Variants in ATP10A observed in about 807,000 individuals in gnomAD.
The protein encoded by ATP10A is ATPase phospholipid transporting 10A (putative).
In ATP10A, 111 loss-of-function variants were observed where a neutral mutation model predicts 147.8. That is an observed-to-expected ratio of 0.75 (90% confidence interval 0.64 to 0.88). ATP10A has a LOEUF of 0.88. Among genes scored for constraint, ATP10A ranks in the 40% least tolerant of loss-of-function variants. The pLI is 0.00. For missense variants in ATP10A, 1,927 were observed against 1,959.0 expected (o/e 0.98, Z 0.31); for synonymous variants, 875 against 841.6 (o/e 1.04, Z -0.69).
At chr15:25,789,909 C>T (rs879828568) in intron 1 of ATP10A, among the ~76,000 whole-genome samples, 10 of 152,196 alleles carry the variant, frequency 6.6e-5, no homozygotes, top group Non-Finnish European at 1.2e-4. Flanking sequence ...TGTCAAATGC[C>T]TCCTGGGGGT....
At chr15:25,706,899 T>C (rs1373597006) in intron 12 of ATP10A, among the ~76,000 whole-genome samples, 1 of 152,172 alleles carries the variant, frequency 6.6e-6, no homozygotes, top group Non-Finnish European at 1.5e-5. Flanking sequence ...TGCACAATAC[T>C]GTCTTCCGGG....
chr15:25,713,953 G>A lies in ATP10A; in HGVS notation c.2065C>T (p.Arg689Cys), dbSNP rs745644823. 5 of 1,610,424 alleles carry A rather than the reference G, an allele frequency of 3.1e-6. No homozygotes were observed. The highest frequency in any genetic ancestry group is 2.2e-5 in the East Asian group (1 of 44,888). ...SELAQEQESE[R>C]ELRYEAESPD... The stretch of plus-strand genomic sequence containing the variant: ...CTCTCCGCCTCGTACCGCAGCTCGC[G>A]CTCTGACTCCTGCTCCTGAGCAAGC... The change falls in exon 10 of 21, where the codon CGC (arginine) becomes TGC (cysteine). Residue 689 changes from arginine (R) to cysteine (C), a missense_variant. Transcript: ENST00000555815.
At chr15:25,705,128 G>A (rs557977222) in intron 12 of ATP10A, among the ~76,000 whole-genome samples, 38 of 152,274 alleles carry the variant, frequency 2.5e-4, no homozygotes, top group African/African-American at 7.2e-4. Flanking sequence ...GTTATGTATG[G>A]TTCTCTGATG....
Position 25,824,825 on chromosome 15 carries a change from T to C in ATP10A, c.449+37823A>G, listed in dbSNP as rs572194485. Among the ~76,000 whole-genome samples, 67 of 152,284 alleles carry C rather than the reference T, an allele frequency of 4.4e-4. 1 individual carries two copies. The highest frequency in any genetic ancestry group is 8.2e-4 in the Non-Finnish European group (56 of 68,028). On this transcript the variant is annotated intron_variant, in intron 1 of 20. Transcript: ENST00000555815. The stretch of plus-strand genomic sequence containing the variant: ...AGCTTTGTAGCGTTTTACGTTTCCG[T>C]ATTTCCTACTCTCCTCACTGCAGCT...
chr15:25,766,283 A>G lies in ATP10A; in HGVS notation c.654+14736T>C, dbSNP rs556815611. 2.6e-5 allele frequency among the ~76,000 whole-genome samples: 4 copies of G among 152,272 alleles called. No homozygotes were observed. The South Asian group carries it at 8.3e-4, about 32-fold the overall frequency. ...AATTCAAGTTGAGATTTGGGTGGGG[A>G]CAAACCATATCAGCAGATACTGAAA... On this transcript the variant is annotated intron_variant, in intron 2 of 20. Transcript: ENST00000555815.
In ATP10A at chr15:25,833,879, G is replaced by A. The variant is rs148415041; in HGVS notation, c.449+28769C>T. On this transcript the variant is annotated intron_variant, in intron 1 of 20. Transcript: ENST00000555815. Reference sequence around the variant, plus strand: ...CCCAGCTACTTGGGAGGCTGAGGCAGGAGAAAGGAGTGAACCCGGGAGGCG... The same window carrying A: ...CCCAGCTACTTGGGAGGCTGAGGCAAGAGAAAGGAGTGAACCCGGGAGGCG... Among the ~76,000 whole-genome samples, 25 of 152,272 alleles carry A rather than the reference G, an allele frequency of 1.6e-4. No homozygotes were observed. In the East Asian group the frequency reaches 4.5e-3, roughly 27 times the overall value.
chr15:25,805,336 C>T (rs1316184885), intron 1 of ATP10A, among the ~76,000 whole-genome samples: 2 of 152,196 alleles, frequency 1.3e-5, no homozygotes, highest in East Asian at 3.8e-4. Flanking sequence ...CTACGGGTCT[C>T]GATCCAGGAA....
At chr15:25,825,084 C>T (rs1892061039) in intron 1 of ATP10A, among the ~76,000 whole-genome samples, 1 of 152,204 alleles carries the variant, frequency 6.6e-6, no homozygotes, top group African/African-American at 2.4e-5. Flanking sequence ...GTTGGAGCTC[C>T]TTCAAAGCCC....
At chr15:25,688,471 T>C (rs1360568931) in intron 15 of ATP10A, among the ~76,000 whole-genome samples, 10 of 152,186 alleles carry the variant, frequency 6.6e-5, no homozygotes, top group African/African-American at 2.2e-4. Flanking sequence ...TTCCCCTGCA[T>C]ATCATCAAGC....
chr15:25,754,751 C>A (rs747338121), intron 2 of ATP10A, among the ~76,000 whole-genome samples: 2 of 152,078 alleles, frequency 1.3e-5, no homozygotes, highest in Non-Finnish European at 2.9e-5. Flanking sequence ...CTGTAACCTG[C>A]AAATATTTAC....
chr15:25,728,165 C>T (rs1902703502), intron 3 of ATP10A, among the ~76,000 whole-genome samples: 1 of 152,230 alleles, frequency 6.6e-6, no homozygotes, highest in African/African-American at 2.4e-5. Flanking sequence ...CCACATGCTT[C>T]CTGTATGGCT....
intron 3 of ATP10A, among the ~76,000 whole-genome samples, chr15:25,735,153 G>A (rs1053860300): frequency 2.6e-5 from 4 of 152,154 alleles, no homozygotes; most frequent in Admixed American, 2.6e-4. Context: ...CGAGAGGGCT[G>A]AGCCCACGGG....
rs778882624 is a variant in ATP10A at position 25,716,970 on chromosome 15, C to G, written c.1582-46G>C. 2.5e-5 allele frequency: 36 copies of G among 1,455,086 alleles called. No homozygotes were observed. In the East Asian group the frequency reaches 8.7e-4, roughly 35 times the overall value. 90.1% of individuals were successfully genotyped at this position (1,455,086 alleles called of 1,614,324 possible). On this transcript the variant is annotated intron_variant, in intron 8 of 20. Transcript: ENST00000555815. The stretch of plus-strand genomic sequence containing the variant: ...CAGTGAGTCCCACCCAGTAGCCTGC[C>G]GAGGATCTTGGGGCGTGACTATTTA...
At position 25,790,063 on chromosome 15, in the gene ATP10A, C is replaced by T. The variant is rs547861581; in HGVS notation, c.450-8840G>A. On this transcript the variant is annotated intron_variant, in intron 1 of 20. Coordinates refer to ENST00000555815, the MANE Select transcript of ATP10A (RefSeq NM_024490.4). ...GAACTCAGCACTGAAACAGCAATGG[C>T]AAAATCCGCAGTGGGAACGTGAGCC... is the stretch of plus-strand genomic sequence containing the variant. 1.6e-3 allele frequency among the ~76,000 whole-genome samples: 246 copies of T among 152,284 alleles called. 1 individual carries two copies. The highest frequency in any genetic ancestry group is 2.9e-3 in the Non-Finnish European group (199 of 68,018).
In ATP10A at chr15:25,828,999, A is replaced by G. The variant is rs1174683336; in HGVS notation, c.449+33649T>C. On this transcript the variant is annotated intron_variant, in intron 1 of 20. Coordinates refer to ENST00000555815, the MANE Select transcript of ATP10A (RefSeq NM_024490.4). ...AATAAAGCTTTGCTCCACATCATGCATAACGCTGGAACATGTGCGAGAAAG... is the reference window on the plus strand; with the variant it reads ...AATAAAGCTTTGCTCCACATCATGCGTAACGCTGGAACATGTGCGAGAAAG... 2.0e-5 allele frequency among the ~76,000 whole-genome samples: 3 copies of G among 152,318 alleles called. No homozygotes were observed. In the East Asian group the frequency reaches 5.8e-4, roughly 29 times the overall value.
intron 2 of ATP10A, among the ~76,000 whole-genome samples, chr15:25,756,893 T>A (rs1178837670): frequency 6.6e-6 from 1 of 152,210 alleles, no homozygotes; most frequent in Non-Finnish European, 1.5e-5. Flanking sequence ...GTAAAAATGG[T>A]TCACAGGGAA....
intron 2 of ATP10A, 42 bp downstream of exon 2, chr15:25,780,977 G>A: frequency 1.9e-6 from 3 of 1,594,742 alleles, no homozygotes; most frequent in East Asian, 2.2e-5. Flanking sequence ...GACACTGTGT[G>A]GCTGTAATGC....
At chr15:25,796,268 G>A (rs960952864) in intron 1 of ATP10A, among the ~76,000 whole-genome samples, 6 of 152,116 alleles carry the variant, frequency 3.9e-5, no homozygotes, top group Non-Finnish European at 7.4e-5. Context: ...AGCCAGGTGT[G>A]GTGGTGTACC....
At chr15:25,802,725 G>A (rs1003017737) in intron 1 of ATP10A, among the ~76,000 whole-genome samples, 7 of 152,108 alleles carry the variant, frequency 4.6e-5, no homozygotes, top group African/African-American at 1.4e-4. Flanking sequence ...CTGGGCCACC[G>A]GCACTCTGGT....
Sources: allele counts gnomAD v4.1 joint callset (sites outside exome capture counted in the v4.1 genomes callset), GRCh38; gene constraint gnomAD v4.1.1; transcripts MANE v1.5; gene names NCBI Gene and HGNC (gene_info 2026-07-23, HGNC 2026-07-21).